The following MGLL variants were observed in gnomAD, a reference collection of about 807,000 sequenced individuals.
MGLL encodes the protein monoglyceride lipase, also known as lysophospholipase homolog.
MGLL carries 7 observed loss-of-function variants against 29.1 expected under a neutral mutation model. That is an observed-to-expected ratio of 0.24 (90% CI 0.14 to 0.45). The LOEUF (loss-of-function observed/expected upper bound fraction) is 0.45, where lower values mean the gene tolerates loss of function less well. Among genes scored for constraint, MGLL ranks in the 20% least tolerant of loss-of-function variants. The probability of loss-of-function intolerance (pLI) is 0.99; values close to 1 mark genes in which losing one functional copy is unlikely to be tolerated. For synonymous variants in MGLL, 148 were observed against 168.3 expected (o/e 0.88, Z 0.93); for missense variants, 356 against 413.6 (o/e 0.86, Z 1.21).
chr3:127,755,623 C>T (rs1221040878), intron 3 of MGLL, among the ~76,000 whole-genome samples: 1 of 152,192 alleles, frequency 6.6e-6, no homozygotes, highest in Non-Finnish European at 1.5e-5. Flanking sequence ...GGACAAGGGG[C>T]CCCACTGCGG....
rs375043987 is a variant in MGLL, at chr3:127,694,089, A to G, written c.816+886T>C. On this transcript the variant is annotated intron_variant, in intron 7 of 7. Coordinates refer to ENST00000265052, the MANE Select transcript of MGLL (RefSeq NM_007283.7). ...GAGTGAGACCAACCTGGTCAACATG[A>G]TGAAACCCCATCTGTACTAAAAATA... Among the ~76,000 whole-genome samples, 422 of 151,932 alleles carry G rather than the reference A, an allele frequency of 2.8e-3. 1 individual carries two copies. The highest frequency in any genetic ancestry group is 9.9e-3 in the African/African-American group (412 of 41,440).
chr3:127,701,882 A>C (rs2075497476), intron 6 of MGLL, among the ~76,000 whole-genome samples: 1 of 152,164 alleles, frequency 6.6e-6, no homozygotes, highest in Non-Finnish European at 1.5e-5. Flanking sequence ...GCCCAGGTTA[A>C]GCATTTCCTC....
At position 127,717,258 on chromosome 3, in the gene MGLL, C is replaced by G. The variant is rs3773150; in HGVS notation, c.510+3795G>C. On this transcript the variant is annotated intron_variant, in intron 5 of 7. Coordinates refer to ENST00000265052, the MANE Select transcript of MGLL (RefSeq NM_007283.7). ...CTGCAATCTCCCACTGCCCCAAGGG[C>G]CTTCTGGATTCTATGGCTAAAAACA... Among the ~76,000 whole-genome samples, 2,893 of 152,232 alleles carry G rather than the reference C, an allele frequency of 0.019. 220 individuals are homozygous for G. In the East Asian group the frequency reaches 0.28, roughly 15 times the overall value.
chr3:127,765,515 A>G (rs2076840861), intron 3 of MGLL, among the ~76,000 whole-genome samples: 2 of 152,242 alleles, frequency 1.3e-5, no homozygotes, highest in South Asian at 4.1e-4. Flanking sequence ...CAGATGGCAC[A>G]CTTGCTGCGG....
rs1303447444 is a variant in MGLL at position 127,815,311 on chromosome 3, A to G, written c.155+6383T>C. On this transcript the variant is annotated intron_variant, in intron 2 of 7. Transcript: ENST00000265052. ...CAGCCCCACCGTGTTCCGAGCAAAG[A>G]ATACATTAAAGGTGTGTGCTGTGAA... Among the ~76,000 whole-genome samples, 3 of 152,152 alleles carry G rather than the reference A, an allele frequency of 2.0e-5. No individual in the cohort carries two copies. The East Asian group carries it at 5.8e-4, about 29-fold the overall frequency.
intron 6 of MGLL, among the ~76,000 whole-genome samples, chr3:127,709,269 G>A (rs932866063): frequency 6.6e-6 from 1 of 152,180 alleles, no homozygotes; most frequent in Non-Finnish European, 1.5e-5. Context: ...GTAGGTTTGG[G>A]AGGCACTGTG....
intron 5 of MGLL, among the ~76,000 whole-genome samples, chr3:127,719,119 G>C (rs1215067329): frequency 6.6e-6 from 1 of 152,226 alleles, no homozygotes; most frequent in East Asian, 1.9e-4. Context: ...GTCACAAGGT[G>C]ATCTATTAGC....
chr3:127,821,554 C>T (rs1294456563), intron 2 of MGLL, 140 bp downstream of exon 2: 5 of 869,610 alleles, frequency 5.7e-6, no homozygotes, highest in African/African-American at 5.1e-5. Context: ...GTTAACATTG[C>T]TCAGCCTAAC....
chr3:127,746,410 C>T (rs1413498280), intron 3 of MGLL, among the ~76,000 whole-genome samples: 5 of 152,238 alleles, frequency 3.3e-5, no homozygotes, highest in Admixed American at 2.0e-4. Flanking sequence ...TGCCCCCAGG[C>T]GGTCCCCATT....
At chr3:127,710,904 C>A in intron 5 of MGLL, 2 of 540,276 alleles carry the variant, frequency 3.7e-6, no homozygotes, top group Non-Finnish European at 6.7e-6. Context: ...CCGCTGCGCC[C>A]AAGGTGGGAA....
chr3:127,781,174 CATGTGT>C (rs2077117519), intron 3 of MGLL, among the ~76,000 whole-genome samples: 1 of 151,910 alleles, frequency 6.6e-6, no homozygotes, highest in Non-Finnish European at 1.5e-5. Context: ...TGTAGGTGCA[CATGTGT>C]ATGTATGTGT....
At chr3:127,751,980 A>G (rs900556575) in intron 3 of MGLL, among the ~76,000 whole-genome samples, 4 of 152,182 alleles carry the variant, frequency 2.6e-5, no homozygotes, top group Non-Finnish European at 5.9e-5. Context: ...ACAAATTGTT[A>G]TTTAAAGTAA....
intron 3 of MGLL, among the ~76,000 whole-genome samples, chr3:127,776,100 C>T (rs1442372735): frequency 6.6e-6 from 1 of 152,236 alleles, no homozygotes; most frequent in African/African-American, 2.4e-5. Context: ...CCCTCCGTTT[C>T]TGGCTGCCCG....
At chr3:127,758,799 T>C (rs1576557574) in intron 3 of MGLL, among the ~76,000 whole-genome samples, 1 of 152,076 alleles carries the variant, frequency 6.6e-6, no homozygotes, top group Non-Finnish European at 1.5e-5. Context: ...GGGAGAAAAA[T>C]ATCATTCTTG....
intron 2 of MGLL, among the ~76,000 whole-genome samples, chr3:127,812,625 G>A (rs1208206076): frequency 6.6e-6 from 1 of 152,178 alleles, no homozygotes; most frequent in Non-Finnish European, 1.5e-5. Context: ...AAGGGGTAAC[G>A]GTGGGCAATC....
intron 3 of MGLL, among the ~76,000 whole-genome samples, chr3:127,724,639 C>A (rs1240205162): frequency 1.3e-5 from 2 of 152,182 alleles, no homozygotes; most frequent in Non-Finnish European, 2.9e-5. Flanking sequence ...CATGACCCCG[C>A]ATTTCCATGT....
At chr3:127,744,744 G>GA (rs1367804839) in intron 3 of MGLL, among the ~76,000 whole-genome samples, 1 of 152,134 alleles carries the variant, frequency 6.6e-6, no homozygotes. Flanking sequence ...GCAACCCCAA[G>GA]AGCTTTTACA....
chr3:127,703,288 C>G (rs972986874), intron 6 of MGLL, among the ~76,000 whole-genome samples: 9 of 152,164 alleles, frequency 5.9e-5, no homozygotes, highest in African/African-American at 2.2e-4. Context: ...CTCACAGGCT[C>G]AGGGATTTGA....
At chr3:127,801,162 C>T (rs896765614) in intron 2 of MGLL, among the ~76,000 whole-genome samples, 13 of 151,798 alleles carry the variant, frequency 8.6e-5, no homozygotes, top group South Asian at 2.1e-4. Context: ...ACTAGCCAGG[C>T]CTGATGGCAA....
Sources: gnomAD v4.1 joint callset for allele counts (sites outside exome capture counted in the v4.1 genomes callset) on GRCh38, gnomAD v4.1.1 for gene constraint, MANE v1.5 for transcripts, NCBI Gene and HGNC (gene_info 2026-07-23, HGNC 2026-07-21) for gene names.